NEBL: variants seen among roughly 807,000 people sequenced by gnomAD.
NEBL encodes the protein LIM and SH3 protein 2.
Under a neutral mutation model 140.2 loss-of-function variants are expected in NEBL, and 122 were observed. That is an observed-to-expected ratio of 0.87 (90% CI 0.75 to 1.01). NEBL has a LOEUF of 1.01. NEBL is among the 50% of genes least tolerant of loss of function. NEBL has a pLI of 0.00. For missense variants in NEBL, 1,365 were observed against 1,231.3 expected (o/e 1.11, Z -1.62); for synonymous variants, 436 against 398.9 (o/e 1.09, Z -1.11).
intron 17 of NEBL, among the ~76,000 whole-genome samples, chr10:20,827,949 G>A (rs1305272286): frequency 6.6e-6 from 1 of 151,802 alleles, no homozygotes; most frequent in Non-Finnish European, 1.5e-5. Context: ...GGAGGGAGAG[G>A]ATCAGAAAAA....
intron 1 of NEBL, among the ~76,000 whole-genome samples, chr10:21,265,717 G>A (rs1161964658): frequency 6.6e-6 from 1 of 152,218 alleles, no homozygotes; most frequent in Non-Finnish European, 1.5e-5. Flanking sequence ...ACGCTTTTCT[G>A]AAAAGCCCAG....
At chr10:21,054,655 A>G (rs1834930423) in intron 2 of NEBL, among the ~76,000 whole-genome samples, 1 of 152,232 alleles carries the variant, frequency 6.6e-6, no homozygotes, top group African/African-American at 2.4e-5. Context: ...ACCATAGCAC[A>G]AATGTATTTT....
At chr10:20,972,519 C>T (rs1217607444) in intron 3 of NEBL, among the ~76,000 whole-genome samples, 5 of 151,998 alleles carry the variant, frequency 3.3e-5, no homozygotes, top group Admixed American at 6.6e-5. Context: ...CCAAGGTGGG[C>T]GGATCATGAG....
intron 4 of NEBL, among the ~76,000 whole-genome samples, chr10:20,917,160 A>T (rs990897125): frequency 6.6e-5 from 10 of 152,224 alleles, no homozygotes; most frequent in African/African-American, 2.4e-4. Flanking sequence ...TTAACTTTTT[A>T]TGAAGTTGAA....
At chr10:20,850,218 T>C (rs898478177) in intron 11 of NEBL, among the ~76,000 whole-genome samples, 177 bp downstream of exon 11, 9 of 152,182 alleles carry the variant, frequency 5.9e-5, no homozygotes, top group African/African-American at 2.2e-4. Context: ...AAGGACCAGA[T>C]AAACTCAATG....
In NEBL at chr10:20,887,390, T is replaced by A. The variant is rs374337490; in HGVS notation, c.369+707A>T. ...ACACTTGTCTAATTGATGAAGCAGA[T>A]CTGTGGATCCTGAATTCAACCTTTT... On this transcript the variant is annotated intron_variant, in intron 4 of 27. Transcript: ENST00000377122. Among the ~76,000 whole-genome samples the A allele has an allele frequency of 4.7e-5, 7 of 149,872 alleles. No individual in the cohort carries two copies. In the East Asian group the frequency reaches 1.4e-3, roughly 29 times the overall value.
chr10:20,948,470 G>A (rs968618913), intron 4 of NEBL, among the ~76,000 whole-genome samples: 1 of 152,086 alleles, frequency 6.6e-6, no homozygotes. Context: ...ACCCTTCACA[G>A]TACTCAGTTA....
In NEBL at chr10:21,279,289, A is replaced by AATTT. The variant is rs1554836315; in HGVS notation, n.182+13540_182+13541insAAAT. Among the ~76,000 whole-genome samples the AATTT allele has an allele frequency of 1.4e-4, 19 of 131,830 alleles. 2 individuals are homozygous for AATTT. Among genetic ancestry groups the AATTT allele is most frequent in the Admixed American group, 1.7e-4 (2 of 11,900 alleles). The allele number at this position is 131,830 out of a possible 152,430, so 86.5% of individuals were successfully genotyped here. On this transcript the variant is annotated intron_variant and non_coding_transcript_variant, in intron 1 of 8. Transcript: ENST00000675702. Reference sequence around the variant, plus strand: ...AAATAGCCATCTTTTTATTTTTTCAATTTTTTTTTTTTTTTTTTTTAGACA... The same window carrying AATTT: ...AAATAGCCATCTTTTTATTTTTTCAAATTTTTTTTTTTTTTTTTTTTTTTAGACA...
chr10:21,121,598 A>G (rs1234104108), intron 2 of NEBL, among the ~76,000 whole-genome samples: 1 of 152,208 alleles, frequency 6.6e-6, no homozygotes. Context: ...ATGAATCACT[A>G]TCAAGTTAGA....
intron 4 of NEBL, among the ~76,000 whole-genome samples, chr10:20,933,303 C>T (rs1834294629): frequency 1.3e-5 from 2 of 152,086 alleles, no homozygotes; most frequent in African/African-American, 4.8e-5. Context: ...ATCAGATGCC[C>T]TTAAGAACTA....
chr10:20,818,845 GA>G (rs948629612), intron 20 of NEBL: 17 of 990,310 alleles, frequency 1.7e-5, no homozygotes, highest in Non-Finnish European at 2.0e-5. Context: ...CTTCAACAAG[GA>G]AATGTGAAAA....
At chr10:20,873,358 T>C (rs1311552745) in intron 5 of NEBL, among the ~76,000 whole-genome samples, 1 of 152,166 alleles carries the variant, frequency 6.6e-6, no homozygotes, top group Non-Finnish European at 1.5e-5. Flanking sequence ...GAAGAAATCA[T>C]CAACTCAGCA....
intron 2 of NEBL, among the ~76,000 whole-genome samples, chr10:21,124,674 C>T (rs972625983): frequency 3.3e-5 from 5 of 152,142 alleles, no homozygotes; most frequent in Admixed American, 6.5e-5. Flanking sequence ...AAAACAAGGC[C>T]GAGCATAGTG....
intron 3 of NEBL, among the ~76,000 whole-genome samples, chr10:21,203,579 G>A (rs1157871881): frequency 2.0e-5 from 3 of 152,110 alleles, no homozygotes; most frequent in Admixed American, 1.3e-4. Flanking sequence ...GAGTGGGGCC[G>A]AATGATAAAG....
At chr10:21,259,084 T>TA (rs397816349) in intron 1 of NEBL, among the ~76,000 whole-genome samples, 12 of 151,496 alleles carry the variant, frequency 7.9e-5, no homozygotes, top group Non-Finnish European at 7.4e-5. Context: ...TTTTTTTTTT[T>TA]AATAGCTTTT....
intron 2 of NEBL, among the ~76,000 whole-genome samples, chr10:21,057,808 G>A (rs893416597): frequency 2.6e-5 from 4 of 151,952 alleles, no homozygotes; most frequent in African/African-American, 7.3e-5. Flanking sequence ...CCATCAGCCC[G>A]CCTTGGTCTC....
chr10:21,214,394 GA>G, intron 3 of NEBL, among the ~76,000 whole-genome samples: 1 of 152,156 alleles, frequency 6.6e-6, no homozygotes, highest in South Asian at 2.1e-4. Context: ...AGGAAGGAAA[GA>G]AACAAGAAGA....
intron 2 of NEBL, among the ~76,000 whole-genome samples, chr10:21,110,101 G>A (rs1837923208): frequency 6.6e-6 from 1 of 152,082 alleles, no homozygotes; most frequent in Non-Finnish European, 1.5e-5. Context: ...ATGTTAGGGT[G>A]TCTATTTTAG....
At chr10:20,879,211 CA>C (rs1378093463) in intron 5 of NEBL, among the ~76,000 whole-genome samples, 1 of 152,158 alleles carries the variant, frequency 6.6e-6, no homozygotes, top group African/African-American at 2.4e-5. Context: ...ACAGAAAGAG[CA>C]GACTCAGGAG....
Sources: gnomAD v4.1 joint callset for allele counts (sites outside exome capture counted in the v4.1 genomes callset) on GRCh38, gnomAD v4.1.1 for gene constraint, MANE v1.5 for transcripts, NCBI Gene and HGNC (gene_info 2026-07-23, HGNC 2026-07-21) for gene names.